HTD2: variants seen among roughly 807,000 people sequenced by gnomAD.
HTD2 encodes the protein hydroxyacyl-thioester dehydratase type 2, mitochondrial.
Under a neutral mutation model 3.1 loss-of-function variants are expected in HTD2, and 1 was observed. The observed-to-expected ratio is 0.32, with a 90% CI of 0.11 to 1.52. HTD2 has a LOEUF of 1.52. Among genes scored for constraint, HTD2 ranks in the 40% most tolerant of loss-of-function variants. The probability of loss-of-function intolerance (pLI) is 0.39; values close to 1 mark genes in which losing one functional copy is unlikely to be tolerated. For missense variants in HTD2, 150 were observed against 79.6 expected, an observed-to-expected ratio of 1.88 and a Z score of -3.36; for synonymous variants, 50 against 28.9, an observed-to-expected ratio of 1.73 and a Z score of -2.34.
rs532474590 is a variant in HTD2, at chr3:58,306,590, C to G, written c.-477C>G. 1 of 152,140 alleles carries G rather than the reference C, an allele frequency of 6.6e-6. No individual in the cohort carries two copies. The highest frequency in any genetic ancestry group is 2.4e-5 in the African/African-American group (1 of 41,382). The allele number at this position is 152,140 out of a possible 1,614,324, so 9.4% of individuals were successfully genotyped here. A position where few individuals can be genotyped will look rare whatever the true frequency, so the allele number is the denominator to read the frequency against. On this transcript the variant is annotated 5_prime_UTR_variant, in exon 1 of 5. Transcript: ENST00000461393. ...TAGGGTCTCGGCCGCAGAACGTGGC[C>G]GAGAGGCCCGGGCGAGACTTCGGGA...
At position 58,311,088 on chromosome 3, in the gene HTD2, A is replaced by G. The variant is rs151200216; in HGVS notation, c.-331+497A>G. On this transcript the variant is annotated intron_variant, in intron 2 of 4. Coordinates refer to ENST00000461393, the MANE Select transcript of HTD2 (RefSeq NM_001348712.2). ...TCCTCTCTACCCTCCTACCCTTCCC[A>G]GCCTCTGATAATCACCAATCTACTT... Among the ~76,000 whole-genome samples, 168 of 151,786 alleles carry G rather than the reference A, an allele frequency of 1.1e-3. 5 individuals carry two copies. In the East Asian group the frequency reaches 0.028, roughly 25 times the overall value.
chr3:58,316,286 A>C (rs1490667659), intron 2 of HTD2, among the ~76,000 whole-genome samples: 4 of 152,218 alleles, frequency 2.6e-5, no homozygotes, highest in African/African-American at 9.6e-5. Flanking sequence ...GTCAAGGAAC[A>C]ATTTAAATGA....
At chr3:58,312,405 A>G (rs1404044684) in intron 2 of HTD2, among the ~76,000 whole-genome samples, 1 of 131,804 alleles carries the variant, frequency 7.6e-6, no homozygotes, top group Admixed American at 9.1e-5. Flanking sequence ...GACTACAGGT[A>G]CCTGCCACCA....
chr3:58,317,778 CT>C lies in HTD2; in HGVS notation c.167del (p.Phe56SerfsTer4), dbSNP rs1363458691. On this transcript the variant is annotated frameshift_variant, in exon 5 of 5. Transcript: ENST00000461393. LOFTEE classifies it high-confidence loss of function. ...CCTTCACACAGACTGATGTGGCTAC[CT>C]TCTCAGAATTAACAGGGGATGTCAA... is the stretch of plus-strand genomic sequence containing the variant. ...RAFTQTDVAT[F>X]SELTGDVNPL... The C allele has an allele frequency of 1.4e-6, 1 of 703,134 alleles. No homozygotes were observed. Among genetic ancestry groups the C allele is most frequent in the Non-Finnish European group, 2.6e-6 (1 of 385,004 alleles). The allele number at this position is 703,134 out of a possible 1,614,324, so 43.6% of individuals were successfully genotyped here.
At position 58,319,184 on chromosome 3, in the gene HTD2, C is replaced by G. The variant is rs1449793423; in HGVS notation, c.*1064C>G. 2.0e-5 allele frequency: 3 copies of G among 152,176 alleles called. No homozygotes were observed. The highest frequency in any genetic ancestry group is 7.2e-5 in the African/African-American group (3 of 41,446). 9.4% of individuals were successfully genotyped at this position (152,176 alleles called of 1,614,324 possible). On this transcript the variant is annotated 3_prime_UTR_variant, in exon 5 of 5. Transcript: ENST00000461393. The stretch of plus-strand genomic sequence containing the variant: ...CCTTTTATCAATGAATATTTTTAGA[C>G]TGTTCTTCAGTATCTGAGTCAGAGT...
In HTD2 at chr3:58,319,794, A is replaced by T. The variant is rs1031487827; in HGVS notation, c.*1674A>T. The stretch of plus-strand genomic sequence containing the variant: ...AACACAGCCAACACTTTTGTTTCCC[A>T]TTTTTTTTTGTTTCCCGTTTTTTAA... On this transcript the variant is annotated 3_prime_UTR_variant, in exon 5 of 5. Transcript: ENST00000461393. The T allele has an allele frequency of 8.0e-5, 12 of 150,648 alleles. No individual in the cohort carries two copies. Among genetic ancestry groups the T allele is most frequent in the African/African-American group, 1.9e-4 (8 of 41,034 alleles). 9.3% of individuals were successfully genotyped at this position (150,648 alleles called of 1,614,324 possible). A position where few individuals can be genotyped will look rare whatever the true frequency, so the allele number is the denominator to read the frequency against.
chr3:58,310,501 T>C lies in HTD2; in HGVS notation c.-415-6T>C. ...ATATGACTTTTTTTTTTTTCACTTTTTTTAGAGAATTTCAAGATTGTGGAG... is the reference window on the plus strand; with the variant it reads ...ATATGACTTTTTTTTTTTTCACTTTCTTTAGAGAATTTCAAGATTGTGGAG... On this transcript the variant is annotated splice_polypyrimidine_tract_variant and splice_region_variant and intron_variant, in intron 1 of 4. Coordinates refer to ENST00000461393, the MANE Select transcript of HTD2 (RefSeq NM_001348712.2). 6.2e-7 allele frequency: 1 copy of C among 1,607,916 alleles called. No homozygotes were observed. Among genetic ancestry groups the C allele is most frequent in the South Asian group, 1.1e-5 (1 of 89,750 alleles).
chr3:58,312,428 T>G (rs1267870372), intron 2 of HTD2, among the ~76,000 whole-genome samples: 1 of 148,300 alleles, frequency 6.7e-6, no homozygotes, highest in Non-Finnish European at 1.5e-5. Flanking sequence ...CCCAGCTAAT[T>G]TTTGTATTCC....
intron 2 of HTD2, among the ~76,000 whole-genome samples, chr3:58,316,178 A>AT (rs1292301153): frequency 2.0e-5 from 3 of 152,228 alleles, no homozygotes; most frequent in Non-Finnish European, 4.4e-5. Flanking sequence ...CATGTTGGAC[A>AT]ATTAGTGACA....
At position 58,317,476 on chromosome 3, in the gene HTD2, A is replaced by G; in HGVS notation, c.-138A>G. 1 of 1,597,548 alleles carries G rather than the reference A, an allele frequency of 6.3e-7. No individual in the cohort carries two copies. The highest frequency in any genetic ancestry group is 8.6e-7 in the Non-Finnish European group (1 of 1,166,036). ...TCTTCTTGCATTATCTGGTAATAGTAGGGAACTAGTATTGGATTGAATGAA... is the reference window on the plus strand; with the variant it reads ...TCTTCTTGCATTATCTGGTAATAGTGGGGAACTAGTATTGGATTGAATGAA... On this transcript the variant is annotated 5_prime_UTR_variant, in exon 5 of 5. Transcript: ENST00000461393.
rs1260818315 is a variant in HTD2, at chr3:58,318,337, GGTTTTTTGTTT to G, written c.*229_*239del. 2 of 425,996 alleles carry G rather than the reference GGTTTTTTGTTT, an allele frequency of 4.7e-6. No individual in the cohort carries two copies. The highest frequency in any genetic ancestry group is 8.3e-6 in the Non-Finnish European group (2 of 242,204). 26.4% of individuals were successfully genotyped at this position (425,996 alleles called of 1,614,324 possible). ...TATGCAGGATTTCATTATCTGCCTGGGTTTTTTGTTTGTTTTTTGTTTTTTAATTCAAGAAG... is the reference window on the plus strand; with the variant it reads ...TATGCAGGATTTCATTATCTGCCTGGGTTTTTTGTTTTTTAATTCAAGAAG... On this transcript the variant is annotated 3_prime_UTR_variant, in exon 5 of 5. Transcript: ENST00000461393.
rs138627807 is a variant in HTD2 at position 58,311,391 on chromosome 3, G to A, written c.-331+800G>A. Among the ~76,000 whole-genome samples the A allele has an allele frequency of 3.6e-3, 547 of 152,314 alleles. 3 individuals are homozygous for A. Among genetic ancestry groups the A allele is most frequent in the African/African-American group, 0.013 (523 of 41,560 alleles). Reference sequence around the variant, plus strand: ...GCTGGTCTTGAACTCCTGACCTCAGGTGATCCACGCGCCTTGGGCTCCCAA... The same window carrying A: ...GCTGGTCTTGAACTCCTGACCTCAGATGATCCACGCGCCTTGGGCTCCCAA... On this transcript the variant is annotated intron_variant, in intron 2 of 4. Coordinates refer to ENST00000461393, the MANE Select transcript of HTD2 (RefSeq NM_001348712.2).
At chr3:58,310,281 C>A in intron 1 of HTD2, 2 of 1,535,456 alleles carry the variant, frequency 1.3e-6, no homozygotes, top group South Asian at 2.3e-5. Flanking sequence ...GTGCATTGGT[C>A]ATTTCTAGCC....
At chr3:58,310,847 T>C (rs2097481403) in intron 2 of HTD2, among the ~76,000 whole-genome samples, 1 of 151,546 alleles carries the variant, frequency 6.6e-6, no homozygotes, top group African/African-American at 2.4e-5. Context: ...GGATAATTGC[T>C]TGAACCCGGG....
Position 58,310,381 on chromosome 3 carries a change from G to A in HTD2, c.-415-126G>A, listed in dbSNP as rs372015821. On this transcript the variant is annotated intron_variant, in intron 1 of 4. Transcript: ENST00000461393. ...AAGAGTAGTTTACAAAAACCCTTCCGAGTACCACTACATGAAAGTCTGCCT... is the reference window on the plus strand; with the variant it reads ...AAGAGTAGTTTACAAAAACCCTTCCAAGTACCACTACATGAAAGTCTGCCT... 45 of 1,614,062 alleles carry A rather than the reference G, an allele frequency of 2.8e-5. No homozygotes were observed. In the African/African-American group the frequency reaches 3.1e-4, roughly 11 times the overall value.
chr3:58,317,475 T>G lies in HTD2; in HGVS notation c.-139T>G, dbSNP rs1307001574. ...TTCTTCTTGCATTATCTGGTAATAG[T>G]AGGGAACTAGTATTGGATTGAATGA... On this transcript the variant is annotated 5_prime_UTR_variant, in exon 5 of 5. Coordinates refer to ENST00000461393, the MANE Select transcript of HTD2 (RefSeq NM_001348712.2). The G allele has an allele frequency of 6.3e-7, 1 of 1,597,454 alleles. No individual in the cohort carries two copies. Among genetic ancestry groups the G allele is most frequent in the South Asian group, 1.1e-5 (1 of 90,604 alleles).
intron 2 of HTD2, among the ~76,000 whole-genome samples, chr3:58,312,822 A>G (rs903809024): frequency 3.9e-5 from 6 of 152,150 alleles, no homozygotes; most frequent in African/African-American, 1.4e-4. Context: ...TTAGCTGGGC[A>G]TGGTGGCGCA....
In HTD2 at chr3:58,316,448, C is replaced by A; in HGVS notation, c.-330-67C>A. ...GAAAAGCTCAAAACTCATTTGTTGT[C>A]AAAAGTTGACAAGCATTCAAGAATA... On this transcript the variant is annotated intron_variant, in intron 2 of 4. Coordinates refer to ENST00000461393, the MANE Select transcript of HTD2 (RefSeq NM_001348712.2). The A allele has an allele frequency of 2.1e-6, 3 of 1,430,058 alleles. No individual in the cohort carries two copies. In the South Asian group the frequency reaches 3.5e-5, roughly 17 times the overall value. 88.6% of individuals were successfully genotyped at this position (1,430,058 alleles called of 1,614,324 possible).
At chr3:58,306,722 C>G (rs1223777545) in intron 1 of HTD2, 71 bp downstream of exon 1, 2 of 152,260 alleles carry the variant, frequency 1.3e-5, no homozygotes, top group East Asian at 3.9e-4. Flanking sequence ...GGATATTGAG[C>G]TTTTTAAAGT....
Sources: allele counts gnomAD v4.1 joint callset (sites outside exome capture counted in the v4.1 genomes callset), GRCh38; gene constraint gnomAD v4.1.1; transcripts MANE v1.5; gene names NCBI Gene and HGNC (gene_info 2026-07-23, HGNC 2026-07-21).